The following TMEM132D variants were observed in gnomAD, a reference collection of about 807,000 sequenced individuals.
TMEM132D encodes the protein transmembrane protein 132D, also known as mature OL transmembrane protein.
Under a neutral mutation model 62.3 loss-of-function variants are expected in TMEM132D, and 21 were observed. That is an observed-to-expected ratio of 0.34 (90% CI 0.24 to 0.49). The LOEUF is 0.49. Ranked by LOEUF, TMEM132D falls within the 20% of genes least tolerant of loss-of-function variation. The pLI, the probability that TMEM132D is intolerant of heterozygous loss-of-function variation, is 0.99. For missense variants in TMEM132D, 1,346 were observed against 1,402.8 expected, an observed-to-expected ratio of 0.96 and a Z score of 0.65; for synonymous variants, 621 against 575.6, an observed-to-expected ratio of 1.08 and a Z score of -1.13.
intron 5 of TMEM132D, among the ~76,000 whole-genome samples, chr12:129,153,580 A>T (rs919406011): frequency 6.6e-6 from 1 of 152,094 alleles, no homozygotes; most frequent in African/African-American, 2.4e-5. Flanking sequence ...TCACAAGCTG[A>T]TCTCATGAGG....
intron 2 of TMEM132D, among the ~76,000 whole-genome samples, chr12:129,686,525 A>G (rs1259380570): frequency 6.6e-6 from 1 of 152,176 alleles, no homozygotes; most frequent in African/African-American, 2.4e-5. Context: ...TCCTTTATAA[A>G]TTACCCAGTC....
chr12:129,608,716 C>G (rs916325896), intron 2 of TMEM132D, among the ~76,000 whole-genome samples: 1 of 152,166 alleles, frequency 6.6e-6, no homozygotes, highest in African/African-American at 2.4e-5. Context: ...TCAGCTCCGG[C>G]CTTTCTCCGT....
intron 4 of TMEM132D, among the ~76,000 whole-genome samples, chr12:129,231,168 T>A (rs1879628494): frequency 6.6e-6 from 1 of 152,254 alleles, no homozygotes; most frequent in South Asian, 2.1e-4. Flanking sequence ...AGCCTAGGGC[T>A]AAGTTCAGGC....
chr12:129,494,364 G>A (rs1407912710), intron 3 of TMEM132D, among the ~76,000 whole-genome samples: 1 of 152,114 alleles, frequency 6.6e-6, no homozygotes, highest in East Asian at 1.9e-4. Context: ...GCTCTAAAAC[G>A]TGCATTGCTT....
chr12:129,078,433 TCC>T, intron 8 of TMEM132D, 99 bp downstream of exon 8: 1 of 1,192,388 alleles, frequency 8.4e-7, no homozygotes. Context: ...CGATATATGA[TCC>T]CACTCTATTG....
chr12:129,873,675 G>A (rs969736289), intron 1 of TMEM132D, among the ~76,000 whole-genome samples: 1 of 152,064 alleles, frequency 6.6e-6, no homozygotes, highest in Non-Finnish European at 1.5e-5. Context: ...CAACCACAAG[G>A]GATCAAATGC....
At position 129,833,823 on chromosome 12, in the gene TMEM132D, A is replaced by T. The variant is rs35971723; in HGVS notation, c.79+69438T>A. Among the ~76,000 whole-genome samples, 245 of 151,290 alleles carry T rather than the reference A, an allele frequency of 1.6e-3. 2 individuals are homozygous for T. The South Asian group carries it at 0.021, about 13-fold the overall frequency. On this transcript the variant is annotated intron_variant, in intron 1 of 8. Coordinates refer to ENST00000422113, the MANE Select transcript of TMEM132D (RefSeq NM_133448.3). ...ACAAGTCGGTGTCAGTCTACAGGAA[A>T]CTCCTCTCAAGCAAATAGCATAACT...
At chr12:129,495,116 T>C (rs970596024) in intron 3 of TMEM132D, among the ~76,000 whole-genome samples, 1 of 151,852 alleles carries the variant, frequency 6.6e-6, no homozygotes, top group Admixed American at 6.6e-5. Flanking sequence ...TGGTCAAATT[T>C]TGAGAAGCCT....
chr12:129,460,223 C>A (rs949949399), intron 3 of TMEM132D, among the ~76,000 whole-genome samples: 3 of 152,126 alleles, frequency 2.0e-5, no homozygotes, highest in Non-Finnish European at 2.9e-5. Flanking sequence ...TCTCTGTGTT[C>A]CCTGTGCTTG....
chr12:129,288,879 A>G (rs577713100), intron 4 of TMEM132D, among the ~76,000 whole-genome samples: 1 of 152,330 alleles, frequency 6.6e-6, no homozygotes, highest in South Asian at 2.1e-4. Flanking sequence ...ACATACACAC[A>G]ATGGGATATG....
chr12:129,675,818 A>G (rs1880614719), intron 2 of TMEM132D, among the ~76,000 whole-genome samples: 1 of 152,212 alleles, frequency 6.6e-6, no homozygotes, highest in African/African-American at 2.4e-5. Flanking sequence ...CCCAGATGTC[A>G]GTGGTGCCGA....
chr12:129,345,702 G>A (rs568635509), intron 3 of TMEM132D, among the ~76,000 whole-genome samples: 85 of 152,110 alleles, frequency 5.6e-4, no homozygotes, highest in Non-Finnish European at 1.0e-3. Context: ...AAAAGAAAAA[G>A]AGCTAGACAT....
intron 1 of TMEM132D, among the ~76,000 whole-genome samples, chr12:129,826,512 C>G (rs767175053): frequency 4.6e-5 from 7 of 152,200 alleles, no homozygotes; most frequent in Admixed American, 1.3e-4. Context: ...TGCAGCCCGC[C>G]TTGCTCCTGG....
intron 5 of TMEM132D, among the ~76,000 whole-genome samples, chr12:129,158,304 G>A (rs1877302612): frequency 6.6e-6 from 1 of 152,188 alleles, no homozygotes; most frequent in Non-Finnish European, 1.5e-5. Flanking sequence ...GGGAGAGGAG[G>A]CAAAATGGAT....
intron 2 of TMEM132D, among the ~76,000 whole-genome samples, chr12:129,562,822 A>C (rs971046871): frequency 6.6e-6 from 1 of 152,062 alleles, no homozygotes; most frequent in Non-Finnish European, 1.5e-5. Context: ...ACCTGGAGAA[A>C]CCCCGTGCTT....
At chr12:129,651,508 C>T (rs1246392345) in intron 2 of TMEM132D, among the ~76,000 whole-genome samples, 1 of 152,084 alleles carries the variant, frequency 6.6e-6, no homozygotes, top group Non-Finnish European at 1.5e-5. Flanking sequence ...ATATACACAC[C>T]TCAAGCAAAC....
Position 129,277,980 on chromosome 12 carries a change from C to G in TMEM132D, c.1299+59654G>C, listed in dbSNP as rs779942983. 6.6e-6 allele frequency among the ~76,000 whole-genome samples: 1 copy of G among 152,138 alleles called. No homozygotes were observed. The highest frequency in any genetic ancestry group is 1.5e-5 in the Non-Finnish European group (1 of 68,034). ...TTCTTTTGCAGTGAGAAACTCCAAG[C>G]TTGAATGAGAGATCGGGGAGCCCAG... On this transcript the variant is annotated intron_variant, in intron 4 of 8. Coordinates refer to ENST00000422113, the MANE Select transcript of TMEM132D (RefSeq NM_133448.3). This position sits in a 1 kb window ranked among gnomAD's most constrained non-coding sequence, Gnocchi z 4.2.
At chr12:129,346,812 T>G (rs549532393) in intron 3 of TMEM132D, among the ~76,000 whole-genome samples, 1 of 152,242 alleles carries the variant, frequency 6.6e-6, no homozygotes, top group South Asian at 2.1e-4. Context: ...AAAACCCCAT[T>G]GTCTCAGCCC....
chr12:129,119,418 G>A (rs1875992747), intron 5 of TMEM132D, among the ~76,000 whole-genome samples: 1 of 152,058 alleles, frequency 6.6e-6, no homozygotes, highest in East Asian at 1.9e-4. Context: ...TAGTGCGTAT[G>A]GACCACAGAA....
Sources: gnomAD v4.1 joint callset for allele counts (sites outside exome capture counted in the v4.1 genomes callset) on GRCh38, gnomAD v4.1.1 for gene constraint, Gnocchi (gnomAD v3.1) non-coding constraint, MANE v1.5 for transcripts, NCBI Gene and HGNC (gene_info 2026-07-23, HGNC 2026-07-21) for gene names.